CNTNAP2: variants seen among roughly 807,000 people sequenced by gnomAD.
The protein encoded by CNTNAP2 is contactin associated protein 2, also known as contactin-associated protein-like 2.
CNTNAP2 carries 98 observed loss-of-function variants against 155.2 expected under a neutral mutation model. The ratio of observed to expected loss-of-function variants is 0.63; its 90% CI spans 0.54 to 0.75. CNTNAP2 has a LOEUF of 0.75. Among genes scored for constraint, CNTNAP2 ranks in the 30% least tolerant of loss-of-function variants. The pLI is 0.00. For missense variants in CNTNAP2, 1,727 were observed against 1,688.1 expected, an observed-to-expected ratio of 1.02 and a Z score of -0.40; for synonymous variants, 651 against 631.2, an observed-to-expected ratio of 1.03 and a Z score of -0.47.
At chr7:146,449,451 A>G (rs1796446840) in intron 1 of CNTNAP2, among the ~76,000 whole-genome samples, 1 of 152,124 alleles carries the variant, frequency 6.6e-6, no homozygotes, top group Non-Finnish European at 1.5e-5. Context: ...ATTCACTGCC[A>G]TGTATCCTCA....
intron 1 of CNTNAP2, among the ~76,000 whole-genome samples, chr7:146,672,942 T>A (rs1800334478): frequency 6.6e-6 from 1 of 152,208 alleles, no homozygotes; most frequent in Admixed American, 6.5e-5. Flanking sequence ...AGGCAATAAA[T>A]GTAATTTTCC....
intron 13 of CNTNAP2, among the ~76,000 whole-genome samples, chr7:147,775,307 ATAAATATATATATATT>A (rs1563084498): frequency 1.9e-5 from 1 of 51,508 alleles, no homozygotes; most frequent in African/African-American, 1.8e-4. Context: ...ATATATATTT[ATAAATATATATATATT>A]TATATATATT....
chr7:146,752,167 T>C (rs1390449991), intron 1 of CNTNAP2, among the ~76,000 whole-genome samples: 2 of 152,130 alleles, frequency 1.3e-5, no homozygotes, highest in East Asian at 1.9e-4. Context: ...GGTCAAATGG[T>C]ATTTCTGATT....
chr7:147,452,652 G>A (rs1430716907), intron 10 of CNTNAP2, among the ~76,000 whole-genome samples: 2 of 152,116 alleles, frequency 1.3e-5, no homozygotes, highest in African/African-American at 4.8e-5. Context: ...AATTGGATGT[G>A]TTACTAAACA....
chr7:147,578,974 GA>G (rs1316215286), intron 12 of CNTNAP2, among the ~76,000 whole-genome samples: 2 of 151,942 alleles, frequency 1.3e-5, no homozygotes, highest in African/African-American at 2.4e-5. Context: ...TAAATATGGA[GA>G]AAAAATTAAT....
intron 16 of CNTNAP2, among the ~76,000 whole-genome samples, chr7:148,133,343 C>T (rs1015432609): frequency 6.6e-6 from 1 of 151,944 alleles, no homozygotes; most frequent in Non-Finnish European, 1.5e-5. Flanking sequence ...GCGCCTGTAA[C>T]CCCAACTACT....
chr7:148,298,630 A>G (rs1011289413), intron 21 of CNTNAP2, among the ~76,000 whole-genome samples: 1 of 152,188 alleles, frequency 6.6e-6, no homozygotes, highest in African/African-American at 2.4e-5. Context: ...ACCAAGTTCC[A>G]AGGATTGGAA....
At chr7:147,009,210 A>G (rs1798579563) in intron 3 of CNTNAP2, among the ~76,000 whole-genome samples, 2 of 152,254 alleles carry the variant, frequency 1.3e-5, no homozygotes, top group South Asian at 4.1e-4. Flanking sequence ...CCTCTTGCTA[A>G]CATGTATGTC....
intron 1 of CNTNAP2, among the ~76,000 whole-genome samples, chr7:146,218,152 G>A (rs112244635): frequency 0.015 from 2,313 of 152,194 alleles, 50 homozygotes; most frequent in African/African-American, 0.052. Flanking sequence ...CCACGTGAGA[G>A]TTCAAACGTT....
intron 8 of CNTNAP2, among the ~76,000 whole-genome samples, chr7:147,166,729 G>T (rs1256254970): frequency 6.6e-6 from 1 of 151,994 alleles, no homozygotes; most frequent in Non-Finnish European, 1.5e-5. Flanking sequence ...CAGTCAAAGG[G>T]GGGTTTCTCT....
At chr7:147,712,295 G>A (rs1290290733) in intron 13 of CNTNAP2, among the ~76,000 whole-genome samples, 1 of 152,216 alleles carries the variant, frequency 6.6e-6, no homozygotes, top group Non-Finnish European at 1.5e-5. Context: ...TACACTGTTG[G>A]TGGGACTGTA....
chr7:146,464,187 G>GCTT (rs1554437072), intron 1 of CNTNAP2, among the ~76,000 whole-genome samples: 1 of 91,544 alleles, frequency 1.1e-5, no homozygotes. Flanking sequence ...CTTTGAAACT[G>GCTT]TTTTTTTTTT....
intron 3 of CNTNAP2, among the ~76,000 whole-genome samples, chr7:147,017,467 C>A (rs187781219): frequency 6.6e-6 from 1 of 151,990 alleles, no homozygotes; most frequent in Non-Finnish European, 1.5e-5. Context: ...GCCTACCTTA[C>A]CTACAGATGA....
intron 1 of CNTNAP2, among the ~76,000 whole-genome samples, chr7:146,309,856 A>AAGGAAGGAAGGAAG (rs1563032365): frequency 7.1e-6 from 1 of 141,234 alleles, no homozygotes; most frequent in African/African-American, 3.0e-5. Flanking sequence ...AAGGAAGGAA[A>AAGGAAGGAAGGAAG]GAAAGAAGGA....
chr7:146,369,871 T>C (rs1563058073), intron 1 of CNTNAP2, among the ~76,000 whole-genome samples: 2 of 152,180 alleles, frequency 1.3e-5, no homozygotes, highest in Non-Finnish European at 2.9e-5. Flanking sequence ...CACAAATGGC[T>C]CATATTTACT....
intron 1 of CNTNAP2, among the ~76,000 whole-genome samples, chr7:146,562,614 G>T (rs1798297100): frequency 6.6e-6 from 1 of 152,028 alleles, no homozygotes; most frequent in South Asian, 2.1e-4. Flanking sequence ...TGGCAACTAT[G>T]ATTTAAAATT....
At chr7:148,237,223 CT>C (rs1354775673) in intron 20 of CNTNAP2, among the ~76,000 whole-genome samples, 1 of 152,168 alleles carries the variant, frequency 6.6e-6, no homozygotes, top group African/African-American at 2.4e-5. Flanking sequence ...AAATCAGAGG[CT>C]TAATACAAAT....
At chr7:147,090,816 G>C (rs1247166340) in intron 4 of CNTNAP2, among the ~76,000 whole-genome samples, 1 of 152,056 alleles carries the variant, frequency 6.6e-6, no homozygotes, top group Non-Finnish European at 1.5e-5. Context: ...AATTTTAAGT[G>C]ATTGTCCAGT....
At chr7:146,989,469 C>A (rs993913699) in intron 3 of CNTNAP2, among the ~76,000 whole-genome samples, 3 of 151,972 alleles carry the variant, frequency 2.0e-5, no homozygotes, top group African/African-American at 4.8e-5. Flanking sequence ...CTAAGAAGTT[C>A]TTCAGTCAGG....
Sources: gnomAD v4.1 joint callset for allele counts (sites outside exome capture counted in the v4.1 genomes callset) on GRCh38, gnomAD v4.1.1 for gene constraint, MANE v1.5 for transcripts, NCBI Gene and HGNC (gene_info 2026-07-23, HGNC 2026-07-21) for gene names.